The following GRAMD2B variants were observed in gnomAD, a reference collection of about 807,000 sequenced individuals.
GRAMD2B encodes the protein GRAM domain containing 2B.
In GRAMD2B, 41 loss-of-function variants were observed where a neutral mutation model predicts 59.2. The observed-to-expected ratio is 0.69, with a 90% CI of 0.54 to 0.90. The LOEUF is 0.90. Ranked by LOEUF, GRAMD2B falls within the 40% of genes least tolerant of loss-of-function variation. The pLI is 0.00. For missense variants in GRAMD2B, 424 were observed against 500.5 expected, an observed-to-expected ratio of 0.85 and a Z score of 1.46; for synonymous variants, 161 against 182.7, an observed-to-expected ratio of 0.88 and a Z score of 0.96.
At chr5:126,409,121 G>C (rs1174364295) in intron 1 of GRAMD2B, among the ~76,000 whole-genome samples, 1 of 151,778 alleles carries the variant, frequency 6.6e-6, no homozygotes, top group Non-Finnish European at 1.5e-5. Flanking sequence ...CCAAGTCTTT[G>C]CTATTGTGAA....
At chr5:126,375,698 A>G (rs1755126532) in intron 1 of GRAMD2B, among the ~76,000 whole-genome samples, 1 of 152,188 alleles carries the variant, frequency 6.6e-6, no homozygotes, top group Non-Finnish European at 1.5e-5. Context: ...TTGCTTTATT[A>G]CACAAGCAAG....
rs1044389525 is a variant in GRAMD2B at position 126,494,180 on chromosome 5, C to T, written c.*1224C>T. ...CTGCTAACACTGTGTTTTGTCAGTT[C>T]GTAAATTCCTTTAACCAAGACTTAA... On this transcript the variant is annotated 3_prime_UTR_variant, in exon 14 of 14. Coordinates refer to ENST00000285689, the MANE Select transcript of GRAMD2B (RefSeq NM_023927.4). 2.6e-5 allele frequency: 4 copies of T among 152,522 alleles called. No individual in the cohort carries two copies. The highest frequency in any genetic ancestry group is 9.7e-5 in the African/African-American group (4 of 41,408). The allele number at this position is 152,522 out of a possible 1,614,324, so 9.4% of individuals were successfully genotyped here. A position where few individuals can be genotyped will look rare whatever the true frequency, so the allele number is the denominator to read the frequency against.
At chr5:126,385,883 G>A (rs1756083765) in intron 1 of GRAMD2B, among the ~76,000 whole-genome samples, 1 of 152,170 alleles carries the variant, frequency 6.6e-6, no homozygotes, top group South Asian at 2.1e-4. Flanking sequence ...GGGAGAGGGA[G>A]AGGTAGAATC....
chr5:126,473,150 A>G, intron 4 of GRAMD2B, 115 bp from the exon 5 acceptor site: 1 of 417,608 alleles, frequency 2.4e-6, no homozygotes, highest in East Asian at 3.5e-5. Context: ...AGGTAATAAA[A>G]CTTTTGAGTG....
chr5:126,464,176 AC>A (rs1230845667), intron 1 of GRAMD2B, among the ~76,000 whole-genome samples: 1 of 152,224 alleles, frequency 6.6e-6, no homozygotes, highest in African/African-American at 2.4e-5. Flanking sequence ...CAGCAAAGCA[AC>A]CACACAGCTT....
intron 1 of GRAMD2B, among the ~76,000 whole-genome samples, chr5:126,413,463 A>T (rs1032321595): frequency 6.6e-5 from 10 of 152,040 alleles, no homozygotes; most frequent in African/African-American, 2.4e-4. Context: ...CCACATTTTG[A>T]CTATGGCTGG....
chr5:126,378,001 T>G (rs1303838700), intron 1 of GRAMD2B, among the ~76,000 whole-genome samples: 1 of 152,216 alleles, frequency 6.6e-6, no homozygotes. Flanking sequence ...ATGCAGCTAA[T>G]ATAATTATAC....
intron 6 of GRAMD2B, among the ~76,000 whole-genome samples, chr5:126,479,481 A>G (rs1027880793): frequency 2.6e-5 from 4 of 152,268 alleles, no homozygotes; most frequent in Non-Finnish European, 4.4e-5. Context: ...GCCAACAGGC[A>G]TCAGTATTTC....
At chr5:126,372,675 T>C (rs763580540) in intron 1 of GRAMD2B, among the ~76,000 whole-genome samples, 5 of 152,178 alleles carry the variant, frequency 3.3e-5, no homozygotes, top group Non-Finnish European at 7.4e-5. Context: ...CTATCTTACT[T>C]GTATTAGTAG....
At chr5:126,470,894 AC>A (rs942013817) in intron 3 of GRAMD2B, among the ~76,000 whole-genome samples, 4 of 152,004 alleles carry the variant, frequency 2.6e-5, no homozygotes, top group African/African-American at 9.7e-5. Context: ...CAGCCCCACT[AC>A]CTTTTTTGCC....
rs1768046707 is a variant in GRAMD2B at position 126,465,054 on chromosome 5, C to T, written c.84-372C>T. 7.8e-6 allele frequency: 8 copies of T among 1,031,216 alleles called. No individual in the cohort carries two copies. In the South Asian group the frequency reaches 3.4e-4, roughly 44 times the overall value. 63.9% of individuals were successfully genotyped at this position (1,031,216 alleles called of 1,614,324 possible). A position where few individuals can be genotyped will look rare whatever the true frequency, so the allele number is the denominator to read the frequency against. On this transcript the variant is annotated intron_variant, in intron 1 of 13. Coordinates refer to ENST00000285689, the MANE Select transcript of GRAMD2B (RefSeq NM_023927.4). ...TTCCCAGCAGGAAGGCTCACACCTG[C>T]AGGAGGCCACACGTGAGCGTGTGTA...
upstream of GRAMD2B, chr5:126,371,311 T>A (rs1047805325): frequency 1.8e-6 from 2 of 1,131,388 alleles, no homozygotes; most frequent in South Asian, 3.8e-5. Context: ...CTAGATTGAG[T>A]CACATGAAGA....
upstream of GRAMD2B, among the ~76,000 whole-genome samples, chr5:126,418,862 C>T (rs1039157028): frequency 1.3e-5 from 2 of 152,134 alleles, no homozygotes; most frequent in Non-Finnish European, 2.9e-5. Context: ...TCTTTGGACA[C>T]TGGCTTTAAT....
intron 1 of GRAMD2B, among the ~76,000 whole-genome samples, chr5:126,425,896 G>A (rs1483467146): frequency 2.6e-5 from 4 of 152,164 alleles, no homozygotes; most frequent in Admixed American, 2.6e-4. Context: ...GTTGATCAGA[G>A]GGTACGAAGT....
chr5:126,468,892 TAA>T (rs1291654114), intron 2 of GRAMD2B, among the ~76,000 whole-genome samples: 1 of 152,170 alleles, frequency 6.6e-6, no homozygotes, highest in African/African-American at 2.4e-5. Context: ...ACTGCCTTTT[TAA>T]AAAAGTGTTT....
rs61486463 is a variant in GRAMD2B at position 126,472,219 on chromosome 5, T to G, written c.316-19T>G. 6 of 1,593,730 alleles carry G rather than the reference T, an allele frequency of 3.8e-6. No homozygotes were observed. The highest frequency in any genetic ancestry group is 5.2e-6 in the Non-Finnish European group (6 of 1,163,290). Reference sequence around the variant, plus strand: ...AAGAAAGTGAGAATGGTGATGCTTGTATTTTGTTCTCATTGTAGTACAAGG... The same window carrying G: ...AAGAAAGTGAGAATGGTGATGCTTGGATTTTGTTCTCATTGTAGTACAAGG... On this transcript the variant is annotated intron_variant, in intron 3 of 13. Transcript: ENST00000285689.
chr5:126,438,798 G>A (rs1762819684), intron 1 of GRAMD2B, among the ~76,000 whole-genome samples: 1 of 152,058 alleles, frequency 6.6e-6, no homozygotes, highest in Admixed American at 6.6e-5. Context: ...AATTGGGAGT[G>A]AACAATCACA....
At chr5:126,402,937 A>G (rs528204515) in intron 1 of GRAMD2B, among the ~76,000 whole-genome samples, 1 of 152,122 alleles carries the variant, frequency 6.6e-6, no homozygotes, top group African/African-American at 2.4e-5. Context: ...ATAGGGGCTG[A>G]GATAATTATG....
At chr5:126,361,450 A>T (rs1754217909) in intron 1 of GRAMD2B, among the ~76,000 whole-genome samples, 1 of 151,044 alleles carries the variant, frequency 6.6e-6, no homozygotes, top group Non-Finnish European at 1.5e-5. Flanking sequence ...AGGAAAAGAG[A>T]CAGTTTCTCA....
Sources: allele counts gnomAD v4.1 joint callset (sites outside exome capture counted in the v4.1 genomes callset), GRCh38; gene constraint gnomAD v4.1.1; transcripts MANE v1.5; gene names NCBI Gene and HGNC (gene_info 2026-07-23, HGNC 2026-07-21).